The following CALD1 variants were observed in gnomAD, a reference collection of about 807,000 sequenced individuals.
The protein encoded by CALD1 is caldesmon 1.
CALD1 carries 33 observed loss-of-function variants against 99.9 expected under a neutral mutation model. That is an observed-to-expected ratio of 0.33 (90% CI 0.25 to 0.44). The LOEUF (loss-of-function observed/expected upper bound fraction) is 0.44, where lower values mean the gene tolerates loss of function less well. Ranked by LOEUF, CALD1 falls within the 20% of genes least tolerant of loss-of-function variation. The pLI is 1.00. For missense variants in CALD1, 861 were observed against 962.1 expected (o/e 0.89, Z 1.39); for synonymous variants, 310 against 325.0 (o/e 0.95, Z 0.50).
chr7:134,712,002 G>A, the CALD1 span, among the ~76,000 whole-genome samples: 2 of 125,256 alleles, frequency 1.6e-5, no homozygotes, highest in African/African-American at 6.1e-5. Context: ...AGGAAAGAAG[G>A]AAAGGAGGGA....
At chr7:134,884,321 C>G (rs1801748731) in intron 3 of CALD1, among the ~76,000 whole-genome samples, 1 of 152,158 alleles carries the variant, frequency 6.6e-6, no homozygotes, top group African/African-American at 2.4e-5. Flanking sequence ...AGTGTTTCCT[C>G]ATGTCTCCCA....
At chr7:134,916,991 G>C (rs1481180003) in intron 3 of CALD1, among the ~76,000 whole-genome samples, 2 of 152,148 alleles carry the variant, frequency 1.3e-5, no homozygotes, top group African/African-American at 2.4e-5. Context: ...ATATACCTGT[G>C]GTCAAATGTC....
chr7:134,808,779 G>A (rs1252077529), intron 1 of CALD1, among the ~76,000 whole-genome samples: 1 of 152,140 alleles, frequency 6.6e-6, no homozygotes, highest in Non-Finnish European at 1.5e-5. Context: ...TCAATCTTAG[G>A]CTTTCTGGAG....
intron 1 of CALD1, among the ~76,000 whole-genome samples, chr7:134,813,668 A>T (rs1324163440): frequency 2.0e-5 from 3 of 152,214 alleles, no homozygotes; most frequent in African/African-American, 7.2e-5. Context: ...AGGTTAGGGA[A>T]GCAGGAGGTT....
intron 1 of CALD1, among the ~76,000 whole-genome samples, chr7:134,757,265 C>T (rs900528724): frequency 1.3e-5 from 2 of 152,124 alleles, no homozygotes; most frequent in African/African-American, 4.8e-5. Context: ...GCACAGCCTA[C>T]GTAGACTAGA....
intron 11 of CALD1, 103 bp from the exon 12 acceptor site, chr7:134,959,871 C>A: frequency 8.0e-7 from 1 of 1,257,434 alleles, no homozygotes; most frequent in Non-Finnish European, 1.1e-6. Flanking sequence ...GGTGTTTACA[C>A]AATGAATTTT....
intron 8 of CALD1, chr7:134,948,138 A>G (rs73454272): frequency 0.018 from 3,094 of 168,418 alleles, 104 homozygotes; most frequent in African/African-American, 0.07. Flanking sequence ...GCTGAAAAGG[A>G]TGAAAGGTCT....
At chr7:134,884,800 T>C (rs1207511452) in intron 3 of CALD1, among the ~76,000 whole-genome samples, 1 of 152,164 alleles carries the variant, frequency 6.6e-6, no homozygotes, top group East Asian at 1.9e-4. Context: ...CTGTATCAGG[T>C]GCAAAAGTGG....
chr7:134,835,292 G>C (rs550947551), intron 1 of CALD1, among the ~76,000 whole-genome samples: 3 of 152,190 alleles, frequency 2.0e-5, no homozygotes, highest in African/African-American at 7.2e-5. Flanking sequence ...GCTTGGCACC[G>C]ACTGAGCTCA....
intron 13 of CALD1, chr7:134,961,815 T>C (rs1258672692): frequency 6.6e-6 from 1 of 152,176 alleles, no homozygotes; most frequent in African/African-American, 2.4e-5. Context: ...CCAAAAGTTA[T>C]GTGCTCTTTA....
At chr7:134,752,538 T>A (rs1320417201) in intron 1 of CALD1, among the ~76,000 whole-genome samples, 1 of 152,140 alleles carries the variant, frequency 6.6e-6, no homozygotes, top group Admixed American at 6.5e-5. Flanking sequence ...GAGTGGGGAA[T>A]TTCATATGTG....
At chr7:134,856,513 C>T (rs1274849853) in intron 2 of CALD1, among the ~76,000 whole-genome samples, 1 of 152,138 alleles carries the variant, frequency 6.6e-6, no homozygotes, top group African/African-American at 2.4e-5. Context: ...TTAATTGGCT[C>T]TGAATGTCAG....
At chr7:134,765,085 G>A (rs151312115) in intron 1 of CALD1, among the ~76,000 whole-genome samples, 3 of 152,292 alleles carry the variant, frequency 2.0e-5, no homozygotes, top group African/African-American at 7.2e-5. Flanking sequence ...GGAAGGCTGA[G>A]GTGGGTGGAT....
At chr7:134,777,231 T>C (rs771236982), upstream of CALD1, among the ~76,000 whole-genome samples, 89 of 152,162 alleles carry the variant, frequency 5.8e-4, no homozygotes, top group Non-Finnish European at 1.1e-3. Context: ...TTTTTCAATA[T>C]CATGGTACAC....
the CALD1 span, among the ~76,000 whole-genome samples, chr7:134,728,934 T>C: frequency 6.7e-6 from 1 of 148,622 alleles, no homozygotes; most frequent in Non-Finnish European, 1.5e-5. Context: ...TCACTGCAAC[T>C]TCCTCCTCCC....
At chr7:134,890,452 A>T (rs188393753) in intron 3 of CALD1, among the ~76,000 whole-genome samples, 1 of 152,104 alleles carries the variant, frequency 6.6e-6, no homozygotes, top group Non-Finnish European at 1.5e-5. Context: ...AGCGCTCTCA[A>T]TGTGTGAAGT....
chr7:134,885,221 C>T (rs917197540), intron 3 of CALD1, among the ~76,000 whole-genome samples: 2 of 152,072 alleles, frequency 1.3e-5, no homozygotes, highest in African/African-American at 2.4e-5. Flanking sequence ...GTGTGAGCCC[C>T]GACACCCGGC....
chr7:134,769,982 C>T (rs1034890570), intron 1 of CALD1, among the ~76,000 whole-genome samples: 1 of 152,166 alleles, frequency 6.6e-6, no homozygotes, highest in Non-Finnish European at 1.5e-5. Context: ...TGAAAATGTT[C>T]TCTTGGCTTC....
intron 1 of CALD1, among the ~76,000 whole-genome samples, chr7:134,829,300 A>C (rs1799129552): frequency 6.6e-6 from 1 of 152,258 alleles, no homozygotes; most frequent in African/African-American, 2.4e-5. Context: ...TCTATGTCTA[A>C]TGCAACAAAT....
Sources: allele counts gnomAD v4.1 joint callset (sites outside exome capture counted in the v4.1 genomes callset), GRCh38; gene constraint gnomAD v4.1.1; transcripts MANE v1.5; gene names NCBI Gene and HGNC (gene_info 2026-07-23, HGNC 2026-07-21).